Variants in LRRC4C observed in about 807,000 individuals in gnomAD.
LRRC4C encodes leucine-rich repeat-containing protein 4C.
In LRRC4C, 5 loss-of-function variants were observed where a neutral mutation model predicts 33.6. The ratio of observed to expected loss-of-function variants is 0.15; its 90% CI spans 0.08 to 0.31. LRRC4C has a LOEUF of 0.31. Ranked by LOEUF, LRRC4C falls within the 10% of genes least tolerant of loss-of-function variation. The probability of loss-of-function intolerance (pLI) is 1.00; values close to 1 mark genes in which losing one functional copy is unlikely to be tolerated. For synonymous variants in LRRC4C, 329 were observed against 302.0 expected (o/e 1.09, Z -0.93); for missense variants, 560 against 796.7 (o/e 0.70, Z 3.58).
intron 2 of LRRC4C, among the ~76,000 whole-genome samples, chr11:40,886,406 TAC>T (rs10629266): frequency 0.024 from 3,449 of 145,504 alleles, 118 homozygotes; most frequent in African/African-American, 0.066. Context: ...TTTCAAATGC[TAC>T]ACACACACAC....
intron 5 of LRRC4C, among the ~76,000 whole-genome samples, chr11:40,166,737 T>C (rs1025822095): frequency 6.6e-6 from 1 of 152,206 alleles, no homozygotes; most frequent in Non-Finnish European, 1.5e-5. Flanking sequence ...GACTACTAGT[T>C]GGTCATGTAA....
chr11:41,015,976 A>G (rs758168440), intron 1 of LRRC4C, among the ~76,000 whole-genome samples: 11 of 152,160 alleles, frequency 7.2e-5, no homozygotes, highest in Non-Finnish European at 1.3e-4. Flanking sequence ...GGCGAGCTGC[A>G]GAGCGAGACT....
At chr11:40,166,100 A>G (rs1859573038) in intron 5 of LRRC4C, among the ~76,000 whole-genome samples, 1 of 152,224 alleles carries the variant, frequency 6.6e-6, no homozygotes, top group Non-Finnish European at 1.5e-5. Context: ...GTAGGTATCT[A>G]TAACCAGTAC....
intron 3 of LRRC4C, among the ~76,000 whole-genome samples, chr11:40,585,804 A>G (rs1958706613): frequency 7.3e-6 from 1 of 136,830 alleles, no homozygotes; most frequent in Non-Finnish European, 1.6e-5. Flanking sequence ...ATATGAACTC[A>G]TCATTTTTTA....
chr11:41,379,670 A>G (rs1953069801), intron 1 of LRRC4C, among the ~76,000 whole-genome samples: 1 of 151,976 alleles, frequency 6.6e-6, no homozygotes, highest in South Asian at 2.1e-4. Flanking sequence ...GATAGGATTC[A>G]TGGCCATTTT....
intron 5 of LRRC4C, among the ~76,000 whole-genome samples, chr11:40,180,861 A>T (rs978838822): frequency 1.3e-5 from 2 of 152,200 alleles, no homozygotes; most frequent in African/African-American, 4.8e-5. Context: ...TGTATTTATC[A>T]TAAAGTCCCC....
chr11:40,126,563 A>G (rs1289171444), intron 6 of LRRC4C, among the ~76,000 whole-genome samples: 28 of 152,200 alleles, frequency 1.8e-4, no homozygotes, highest in Non-Finnish European at 4.4e-5. Context: ...AAATGTACAT[A>G]TATGCATATA....
intron 3 of LRRC4C, among the ~76,000 whole-genome samples, chr11:40,496,374 T>A (rs7127396): frequency 0.99 from 151,228 of 152,276 alleles, 75,108 homozygotes; most frequent in Middle Eastern, 1. Flanking sequence ...TTTGATACAC[T>A]TGTACATTGT....
intron 1 of LRRC4C, among the ~76,000 whole-genome samples, chr11:41,183,665 C>T (rs1945555750): frequency 1.3e-5 from 2 of 152,170 alleles, no homozygotes; most frequent in Admixed American, 1.3e-4. Flanking sequence ...ATGATGCAAG[C>T]TGTCAGTGGA....
intron 4 of LRRC4C, among the ~76,000 whole-genome samples, chr11:40,242,478 G>C (rs2136104484): frequency 6.6e-6 from 1 of 152,264 alleles, no homozygotes; most frequent in African/African-American, 2.4e-5. Context: ...TATAAAATCT[G>C]AGAGATCATC....
At chr11:40,475,754 T>G (rs2138343285) in intron 3 of LRRC4C, among the ~76,000 whole-genome samples, 1 of 152,266 alleles carries the variant, frequency 6.6e-6, no homozygotes, top group South Asian at 2.1e-4. Flanking sequence ...TTAGAGAAAC[T>G]ATGCTCCAAC....
At chr11:40,761,185 C>T (rs940929885) in intron 2 of LRRC4C, among the ~76,000 whole-genome samples, 1 of 152,116 alleles carries the variant, frequency 6.6e-6, no homozygotes. Flanking sequence ...TCCAAGAAAC[C>T]TTGCTTTGAA....
intron 2 of LRRC4C, among the ~76,000 whole-genome samples, chr11:40,908,821 G>T (rs1956540071): frequency 6.6e-6 from 1 of 152,050 alleles, no homozygotes; most frequent in South Asian, 2.1e-4. Flanking sequence ...ATTTACAGGT[G>T]GTAAACTCTG....
intron 4 of LRRC4C, among the ~76,000 whole-genome samples, chr11:40,258,213 C>A (rs189759805): frequency 6.6e-6 from 1 of 152,034 alleles, no homozygotes; most frequent in Non-Finnish European, 1.5e-5. Context: ...TTGGTCTTCA[C>A]GTTTGGATTT....
chr11:40,975,072 A>G (rs1316108762), intron 1 of LRRC4C, among the ~76,000 whole-genome samples: 5 of 152,218 alleles, frequency 3.3e-5, no homozygotes, highest in African/African-American at 9.6e-5. Flanking sequence ...CATCACCACA[A>G]GAGCAAATTT....
At position 41,289,014 on chromosome 11, in the gene LRRC4C, T is replaced by C. The variant is rs76365016; in HGVS notation, c.-496+170417A>G. ...AAAATCAATTGACTAGGGATCATAA[T>C]TGTACCTGCAAATTCCCTTCGCCTT... is the stretch of plus-strand genomic sequence containing the variant. On this transcript the variant is annotated intron_variant, in intron 1 of 6. Coordinates refer to ENST00000528697, the MANE Select transcript of LRRC4C (RefSeq NM_001258419.2). Among the ~76,000 whole-genome samples the C allele has an allele frequency of 6.6e-3, 1,007 of 152,248 alleles. 11 individuals carry two copies. The highest frequency in any genetic ancestry group is 0.023 in the African/African-American group (950 of 41,548).
chr11:41,135,928 T>C (rs1460588449), intron 1 of LRRC4C, among the ~76,000 whole-genome samples: 1 of 152,204 alleles, frequency 6.6e-6, no homozygotes, highest in Non-Finnish European at 1.5e-5. Context: ...CATGAGTGCA[T>C]GCCCTTTGCA....
chr11:40,470,756 A>G (rs1952892052), intron 3 of LRRC4C, among the ~76,000 whole-genome samples: 1 of 152,202 alleles, frequency 6.6e-6, no homozygotes, highest in Non-Finnish European at 1.5e-5. Context: ...ATGAACAGCC[A>G]AATCAATGAA....
At chr11:40,653,861 T>C (rs1942948589) in intron 2 of LRRC4C, among the ~76,000 whole-genome samples, 1 of 152,200 alleles carries the variant, frequency 6.6e-6, no homozygotes. Context: ...ACTGGTTTCA[T>C]GGGCCAGGGC....
Sources: gnomAD v4.1 joint callset for allele counts (sites outside exome capture counted in the v4.1 genomes callset) on GRCh38, gnomAD v4.1.1 for gene constraint, MANE v1.5 for transcripts, NCBI Gene and HGNC (gene_info 2026-07-23, HGNC 2026-07-21) for gene names.